RTN4: variants seen among roughly 807,000 people sequenced by gnomAD.
RTN4 encodes reticulon-4.
In RTN4, 32 loss-of-function variants were observed where a neutral mutation model predicts 90.4. The ratio of observed to expected loss-of-function variants is 0.35; its 90% confidence interval spans 0.27 to 0.48. The LOEUF is 0.48. Among genes scored for constraint, RTN4 ranks in the 20% least tolerant of loss-of-function variants. RTN4 has a pLI of 0.99. For synonymous variants in RTN4, 629 were observed against 552.5 expected, an observed-to-expected ratio of 1.14 and a Z score of -1.94; for missense variants, 1,706 against 1,430.2, an observed-to-expected ratio of 1.19 and a Z score of -3.11.
chr2:54,973,235 T>G, intron 8 of RTN4, 37 bp from the exon 9 acceptor site: 2 of 1,537,356 alleles, frequency 1.3e-6, no homozygotes, highest in Non-Finnish European at 1.8e-6. Context: ...ATCAGTTTTG[T>G]TTGCTGCTGC....
At chr2:55,118,424 C>G in the RTN4 span, among the ~76,000 whole-genome samples, 8 of 151,638 alleles carry the variant, frequency 5.3e-5, no homozygotes, top group African/African-American at 1.9e-4. Context: ...GTGTTCACAC[C>G]ATTTCACTAC....
chr2:55,035,167 T>C (rs1041065040), intron 1 of RTN4, among the ~76,000 whole-genome samples: 1 of 152,160 alleles, frequency 6.6e-6, no homozygotes, highest in Non-Finnish European at 1.5e-5. Context: ...TAGGCCCCAC[T>C]ACCAATGAGC....
chr2:55,023,429 A>G (rs1681595262), intron 3 of RTN4, among the ~76,000 whole-genome samples: 1 of 152,132 alleles, frequency 6.6e-6, no homozygotes, highest in African/African-American at 2.4e-5. Flanking sequence ...TAAAGAACAA[A>G]CATAAACCAT....
chr2:55,060,011 G>A (rs1668262248), intron 2 of RTN4, among the ~76,000 whole-genome samples: 1 of 152,066 alleles, frequency 6.6e-6, no homozygotes, highest in South Asian at 2.1e-4. Context: ...TGCAAACAAG[G>A]GGGAAACTCT....
At chr2:54,982,872 G>C (rs984887013) in intron 4 of RTN4, among the ~76,000 whole-genome samples, 1 of 152,166 alleles carries the variant, frequency 6.6e-6, no homozygotes, top group African/African-American at 2.4e-5. Context: ...TTTGAAGCCA[G>C]ACTGATCTGG....
intron 3 of RTN4, among the ~76,000 whole-genome samples, chr2:55,004,865 A>G (rs1680095536): frequency 6.6e-6 from 1 of 152,168 alleles, no homozygotes; most frequent in South Asian, 2.1e-4. Context: ...GGGGGAAAAA[A>G]AAGTACAAAA....
intron 1 of RTN4, among the ~76,000 whole-genome samples, chr2:55,034,584 A>C (rs1302413800): frequency 6.6e-6 from 1 of 152,214 alleles, no homozygotes; most frequent in Non-Finnish European, 1.5e-5. Context: ...AAGCTGAAAG[A>C]ATTTGTCACT....
the RTN4 span, among the ~76,000 whole-genome samples, chr2:55,126,550 A>C: frequency 9.9e-5 from 15 of 152,212 alleles, no homozygotes; most frequent in African/African-American, 3.6e-4. Context: ...GGTTGTGGAG[A>C]AAAGGGAACA....
chr2:55,098,064 A>G (rs924550087), intron 1 of RTN4, among the ~76,000 whole-genome samples: 12 of 152,086 alleles, frequency 7.9e-5, no homozygotes, highest in African/African-American at 2.7e-4. Context: ...CCTAGATGGA[A>G]TTAACCTCTG....
chr2:55,079,792 A>G (rs999380037), intron 2 of RTN4, among the ~76,000 whole-genome samples: 1 of 152,194 alleles, frequency 6.6e-6, no homozygotes, highest in Non-Finnish European at 1.5e-5. Context: ...CCCTGTCTGA[A>G]TACTGCTGAA....
At chr2:55,014,377 T>C (rs993373790) in intron 3 of RTN4, 2 of 152,160 alleles carry the variant, frequency 1.3e-5, no homozygotes, top group South Asian at 2.1e-4. Context: ...AACATACAAA[T>C]ATTCTTAAAC....
the RTN4 span, among the ~76,000 whole-genome samples, chr2:55,119,704 G>T: frequency 6.6e-6 from 1 of 152,182 alleles, no homozygotes. Context: ...GAAGTCAATA[G>T]TTCCCCAGGG....
At chr2:55,087,692 T>A (rs1317903531) in intron 1 of RTN4, among the ~76,000 whole-genome samples, 1 of 152,076 alleles carries the variant, frequency 6.6e-6, no homozygotes, top group Non-Finnish European at 1.5e-5. Context: ...TGAGACTATC[T>A]CAAGTGCAAC....
chr2:55,059,626 G>C (rs1668253910), intron 2 of RTN4, among the ~76,000 whole-genome samples: 2 of 152,002 alleles, frequency 1.3e-5, no homozygotes, highest in Non-Finnish European at 2.9e-5. Flanking sequence ...TTGAGGTCAG[G>C]AGTTCGAGAC....
At chr2:54,974,493 C>T (rs1677440522) in intron 6 of RTN4, among the ~76,000 whole-genome samples, 4 of 152,204 alleles carry the variant, frequency 2.6e-5, no homozygotes, top group Admixed American at 2.0e-4. Context: ...GTTAGCCAGG[C>T]TGGTCTCGAA....
At chr2:55,067,200 A>T (rs1157502292) in intron 2 of RTN4, among the ~76,000 whole-genome samples, 1 of 152,134 alleles carries the variant, frequency 6.6e-6, no homozygotes, top group Non-Finnish European at 1.5e-5. Context: ...CTGCTTGATG[A>T]TTGCTCTGAA....
chr2:55,103,819 C>T (rs1286514550), intron 1 of RTN4, among the ~76,000 whole-genome samples: 1 of 151,642 alleles, frequency 6.6e-6, no homozygotes, highest in Non-Finnish European at 1.5e-5. Context: ...CCCAGTCTCC[C>T]AAGTAGCTAG....
At chr2:55,001,515 T>C (rs567184882) in intron 3 of RTN4, among the ~76,000 whole-genome samples, 5 of 152,344 alleles carry the variant, frequency 3.3e-5, no homozygotes, top group Admixed American at 6.5e-5. Context: ...ATCTTCAAAA[T>C]TAATCCAAGC....
rs1443203938 is a variant in RTN4, at chr2:55,027,037, A to T, written c.1062T>A (p.Val354=). The part of the protein sequence containing the change: ...QELPTALTKL[V]KEDEVVSSEK... ...CTGAAGACACAACTTCATCCTCTTT[A>T]ACCAATTTAGTAAGAGCTGTAGGTA... The change falls in exon 3 of 9, where the codon GTT becomes GTA. Residue 354 remains valine, a synonymous_variant. Transcript: ENST00000337526. 4 of 1,613,408 alleles carry T rather than the reference A, an allele frequency of 2.5e-6. No homozygotes were observed. In the African/African-American group the frequency reaches 5.3e-5, roughly 22 times the overall value.
Sources: allele counts gnomAD v4.1 joint callset (sites outside exome capture counted in the v4.1 genomes callset), GRCh38; gene constraint gnomAD v4.1.1; transcripts MANE v1.5; gene names NCBI Gene and HGNC (gene_info 2026-07-23, HGNC 2026-07-21).